The following DCDC1 variants were observed in gnomAD, a reference collection of about 807,000 sequenced individuals.
DCDC1 encodes the protein doublecortin domain-containing protein 1.
A neutral mutation model predicts 178.3 loss-of-function variants in DCDC1; 200 were observed. That is an observed-to-expected ratio of 1.12 (90% CI 1.00 to 1.26). DCDC1 has a LOEUF of 1.26. DCDC1 is among the 50% of genes most tolerant of loss of function. The pLI is 0.00. For synonymous variants in DCDC1, 690 were observed against 604.8 expected, an observed-to-expected ratio of 1.14 and a Z score of -2.07; for missense variants, 1,983 against 1,749.2, an observed-to-expected ratio of 1.13 and a Z score of -2.38.
intron 1 of DCDC1, among the ~76,000 whole-genome samples, chr11:31,360,841 T>G (rs930923628): frequency 2.6e-5 from 4 of 152,212 alleles, no homozygotes; most frequent in Admixed American, 2.0e-4. Flanking sequence ...ATCATCATTC[T>G]GATTCCGTAA....
At chr11:31,343,223 C>T (rs897854885) in intron 1 of DCDC1, among the ~76,000 whole-genome samples, 1 of 152,058 alleles carries the variant, frequency 6.6e-6, no homozygotes, top group Non-Finnish European at 1.5e-5. Flanking sequence ...TAGACTGAGG[C>T]GAGAGGATCA....
At chr11:30,988,532 C>A (rs1444053110) in intron 20 of DCDC1, among the ~76,000 whole-genome samples, 1 of 152,102 alleles carries the variant, frequency 6.6e-6, no homozygotes, top group Admixed American at 6.5e-5. Flanking sequence ...TATCTAACTG[C>A]TTCCCTCACC....
Position 31,014,201 on chromosome 11 carries a change from CTCTT to C in DCDC1, c.2591+50264_2591+50267del, listed in dbSNP as rs113402549. On this transcript the variant is annotated intron_variant, in intron 20 of 38. Coordinates refer to ENST00000684477, the MANE Select transcript of DCDC1 (RefSeq NM_001387274.1). ...CATAGCTCTTGCTCGCTCTCACTCT[CTCTT>C]TCTCTCTCTCTCTTTCTCTTTTTCT... 6.4e-3 allele frequency among the ~76,000 whole-genome samples: 976 copies of C among 152,124 alleles called. 7 individuals are homozygous for C. The highest frequency in any genetic ancestry group is 0.022 in the African/African-American group (919 of 41,466).
intron 20 of DCDC1, among the ~76,000 whole-genome samples, chr11:31,023,291 A>T (rs1252519264): frequency 6.6e-6 from 1 of 152,072 alleles, no homozygotes; most frequent in Non-Finnish European, 1.5e-5. Context: ...ATGTAATAAT[A>T]TATGTATTGA....
chr11:30,889,499 T>C (rs762006090), intron 36 of DCDC1, among the ~76,000 whole-genome samples: 2 of 152,194 alleles, frequency 1.3e-5, no homozygotes, highest in Non-Finnish European at 2.9e-5. Context: ...TGAGCTTCTT[T>C]GGAGTCACTG....
chr11:31,185,441 AGAAAATAAAAT>A (rs1459090385), intron 9 of DCDC1, among the ~76,000 whole-genome samples: 1 of 152,022 alleles, frequency 6.6e-6, no homozygotes, highest in Non-Finnish European at 1.5e-5. Flanking sequence ...AATAAAAATA[AGAAAATAAAAT>A]AAAGATTAGC....
At chr11:30,915,370 A>T in intron 27 of DCDC1, 141 bp downstream of exon 27, 3 of 819,006 alleles carry the variant, frequency 3.7e-6, no homozygotes, top group Non-Finnish European at 5.7e-6. Context: ...TTCTTTGGCT[A>T]GGATAAAGAA....
intron 1 of DCDC1, among the ~76,000 whole-genome samples, chr11:31,361,147 A>G (rs1951689418): frequency 6.6e-6 from 1 of 152,252 alleles, no homozygotes; most frequent in Non-Finnish European, 1.5e-5. Context: ...TTAAGTATAT[A>G]TAAAATGCAA....
intron 24 of DCDC1, 68 bp downstream of exon 24, chr11:30,922,435 T>TA: frequency 7.1e-7 from 1 of 1,412,786 alleles, no homozygotes; most frequent in South Asian, 1.8e-5. Context: ...TTTGACTTTT[T>TA]AAAAAGCAAT....
intron 9 of DCDC1, among the ~76,000 whole-genome samples, chr11:31,191,360 A>G (rs1970109175): frequency 6.6e-6 from 1 of 151,974 alleles, no homozygotes; most frequent in East Asian, 1.9e-4. Context: ...TTTTTCCTTT[A>G]ATAATAACAC....
intron 17 of DCDC1, among the ~76,000 whole-genome samples, chr11:31,082,704 T>C (rs1424297215): frequency 6.6e-6 from 1 of 152,134 alleles, no homozygotes; most frequent in African/African-American, 2.4e-5. Flanking sequence ...TTTACACATA[T>C]ATATATATCT....
At chr11:31,337,609 G>A (rs1427595575) in intron 1 of DCDC1, among the ~76,000 whole-genome samples, 1 of 152,148 alleles carries the variant, frequency 6.6e-6, no homozygotes, top group Non-Finnish European at 1.5e-5. Context: ...AGGCTGCAGT[G>A]AGCCATGATC....
At chr11:31,248,988 C>G (rs1275545905) in intron 8 of DCDC1, among the ~76,000 whole-genome samples, 3 of 152,088 alleles carry the variant, frequency 2.0e-5, no homozygotes, top group Admixed American at 2.0e-4. Flanking sequence ...TCATAATAAA[C>G]TTCTGGGATC....
At chr11:30,940,291 C>T (rs1947548738) in intron 21 of DCDC1, among the ~76,000 whole-genome samples, 1 of 152,102 alleles carries the variant, frequency 6.6e-6, no homozygotes, top group African/African-American at 2.4e-5. Flanking sequence ...TAAAACATAC[C>T]AGATCACTGT....
intron 11 of DCDC1, among the ~76,000 whole-genome samples, chr11:31,120,793 C>A (rs1330965180): frequency 1.3e-5 from 2 of 152,150 alleles, no homozygotes; most frequent in Non-Finnish European, 2.9e-5. Flanking sequence ...CTGTCACAAT[C>A]ACCCACCTTC....
intron 20 of DCDC1, among the ~76,000 whole-genome samples, chr11:30,991,270 G>A (rs1950964484): frequency 6.6e-6 from 1 of 152,048 alleles, no homozygotes; most frequent in Non-Finnish European, 1.5e-5. Flanking sequence ...GAAATAGACT[G>A]TAATACTAGG....
intron 7 of DCDC1, chr11:31,280,969 CT>C: frequency 6.4e-6 from 4 of 627,596 alleles, no homozygotes; most frequent in Non-Finnish European, 1.2e-5. Context: ...CTCTTCTTGC[CT>C]TTCTCAACAT....
chr11:31,328,295 G>A lies in DCDC1; in HGVS notation c.-6-9C>T. On this transcript the variant is annotated splice_polypyrimidine_tract_variant and intron_variant, in intron 2 of 38. Coordinates refer to ENST00000684477, the MANE Select transcript of DCDC1 (RefSeq NM_001387274.1). Reference sequence around the variant, plus strand: ...GTTTTTGCCATTTTCAGCTAAAAATGATAAAGAATGTTATTTAATTTTAAA... The same window carrying A: ...GTTTTTGCCATTTTCAGCTAAAAATAATAAAGAATGTTATTTAATTTTAAA... 6.5e-7 allele frequency: 1 copy of A among 1,549,166 alleles called. No homozygotes were observed. Among genetic ancestry groups the A allele is most frequent in the Non-Finnish European group, 8.7e-7 (1 of 1,144,882 alleles).
At chr11:31,143,431 G>T (rs1565341668) in intron 9 of DCDC1, among the ~76,000 whole-genome samples, 1 of 152,090 alleles carries the variant, frequency 6.6e-6, no homozygotes, top group Non-Finnish European at 1.5e-5. Context: ...GAGAGAAAGG[G>T]CATGGCTGAT....
Sources: allele counts gnomAD v4.1 joint callset (sites outside exome capture counted in the v4.1 genomes callset), GRCh38; gene constraint gnomAD v4.1.1; transcripts MANE v1.5; gene names NCBI Gene and HGNC (gene_info 2026-07-23, HGNC 2026-07-21).